The following GRIK2 variants were observed in gnomAD, a reference collection of about 807,000 sequenced individuals.
The protein encoded by GRIK2 is glutamate receptor ionotropic, kainate 2.
In GRIK2, 32 loss-of-function variants were observed where a neutral mutation model predicts 100.3. That is an observed-to-expected ratio of 0.32 (90% CI 0.24 to 0.43). The LOEUF (loss-of-function observed/expected upper bound fraction) is 0.43. GRIK2 is among the 20% of genes least tolerant of loss of function. The pLI is 1.00. For synonymous variants in GRIK2, 417 were observed against 389.4 expected, an observed-to-expected ratio of 1.07 and a Z score of -0.83; for missense variants, 843 against 1,114.9, an observed-to-expected ratio of 0.76 and a Z score of 3.47.
intron 7 of GRIK2, among the ~76,000 whole-genome samples, chr6:101,694,992 G>A (rs1320123527): frequency 4.0e-5 from 6 of 149,554 alleles, no homozygotes; most frequent in African/African-American, 1.2e-4. Context: ...TATAAAATAA[G>A]AGGGAAATAT....
At chr6:101,883,563 T>C (rs899874353) in intron 11 of GRIK2, among the ~76,000 whole-genome samples, 1 of 151,946 alleles carries the variant, frequency 6.6e-6, no homozygotes, top group Non-Finnish European at 1.5e-5. Context: ...AAGTACTGTA[T>C]GGAGATAAAG....
intron 2 of GRIK2, among the ~76,000 whole-genome samples, chr6:101,614,911 G>T (rs934613081): frequency 1.3e-5 from 2 of 151,694 alleles, no homozygotes; most frequent in African/African-American, 4.8e-5. Context: ...CTCAGTAGTA[G>T]TTACAATTGA....
At chr6:101,902,031 A>AATTT (rs1554283046) in intron 12 of GRIK2, among the ~76,000 whole-genome samples, 2 of 12,814 alleles carry the variant, frequency 1.6e-4, no homozygotes, top group Admixed American at 1.3e-3. Context: ...ATTGGCTTAA[A>AATTT]AATTTAAATG....
At position 102,022,336 on chromosome 6, in the gene GRIK2, G is replaced by T. The variant is rs536227337; in HGVS notation, c.2086-13005G>T. Among the ~76,000 whole-genome samples the T allele has an allele frequency of 2.6e-5, 4 of 151,568 alleles. No homozygotes were observed. In the Admixed American group the frequency reaches 2.6e-4, roughly 10 times the overall value. On this transcript the variant is annotated intron_variant, in intron 14 of 16. Coordinates refer to ENST00000369134, the MANE Select transcript of GRIK2 (RefSeq NM_021956.5). ...GTAGTTATTTCTTATTCTAAAATTT[G>T]ATAAAATTGGCTAAATACAGACATA... is the stretch of plus-strand genomic sequence containing the variant.
intron 2 of GRIK2, among the ~76,000 whole-genome samples, chr6:101,567,734 T>C (rs2128297938): frequency 6.6e-6 from 1 of 152,114 alleles, no homozygotes; most frequent in East Asian, 1.9e-4. Context: ...CAGGGTTATT[T>C]TGTGGAAGAG....
intron 14 of GRIK2, among the ~76,000 whole-genome samples, chr6:101,960,923 C>T (rs1257143155): frequency 6.6e-6 from 1 of 152,142 alleles, no homozygotes; most frequent in Non-Finnish European, 1.5e-5. Flanking sequence ...TGTCAAATGA[C>T]TGGTGTCCTG....
intron 14 of GRIK2, among the ~76,000 whole-genome samples, chr6:101,963,723 T>G (rs1792479052): frequency 6.6e-6 from 1 of 151,998 alleles, no homozygotes; most frequent in African/African-American, 2.4e-5. Context: ...GCTCTAATTT[T>G]TGTACATATT....
intron 15 of GRIK2, among the ~76,000 whole-genome samples, chr6:102,048,690 CAT>C (rs1301266793): frequency 6.6e-6 from 1 of 152,012 alleles, no homozygotes; most frequent in Non-Finnish European, 1.5e-5. Context: ...ACAAAAAAGA[CAT>C]AATGTATTGG....
intron 5 of GRIK2, among the ~76,000 whole-genome samples, chr6:101,682,055 A>G (rs985930904): frequency 2.0e-5 from 3 of 152,338 alleles, no homozygotes; most frequent in Admixed American, 6.5e-5. Flanking sequence ...AATTATATGT[A>G]ATTTTTAAAT....
At chr6:101,476,647 T>C (rs1244145639) in intron 2 of GRIK2, among the ~76,000 whole-genome samples, 3 of 152,172 alleles carry the variant, frequency 2.0e-5, no homozygotes, top group African/African-American at 7.2e-5. Context: ...GAATTTTACC[T>C]ATATGATAAT....
At chr6:101,886,412 A>G (rs973835403) in intron 11 of GRIK2, among the ~76,000 whole-genome samples, 2 of 151,980 alleles carry the variant, frequency 1.3e-5, no homozygotes, top group African/African-American at 4.8e-5. Flanking sequence ...TTTCATAATT[A>G]AAAGTATTAT....
At chr6:102,065,280 C>T (rs1462670163) in intron 16 of GRIK2, among the ~76,000 whole-genome samples, 1 of 151,066 alleles carries the variant, frequency 6.6e-6, no homozygotes, top group Non-Finnish European at 1.5e-5. Context: ...AAAGATAATA[C>T]TATTCTGGTA....
rs1397503396 is a variant in GRIK2 at position 101,771,537 on chromosome 6, TTTA to T, written c.952-28100_952-28098del. ...ATTTTATTTTTATTTATTATTATTT[TTTA>T]TTATTATTATACTTTAAGTTTTAGG... is the stretch of plus-strand genomic sequence containing the variant. On this transcript the variant is annotated intron_variant, in intron 7 of 16. Coordinates refer to ENST00000369134, the MANE Select transcript of GRIK2 (RefSeq NM_021956.5). Among the ~76,000 whole-genome samples, 52 of 151,508 alleles carry T rather than the reference TTTA, an allele frequency of 3.4e-4. No homozygotes were observed. The East Asian group carries it at 3.7e-3, about 11-fold the overall frequency.
intron 13 of GRIK2, among the ~76,000 whole-genome samples, chr6:101,926,547 A>G (rs181279138): frequency 1.2e-3 from 190 of 152,316 alleles, no homozygotes; most frequent in Non-Finnish European, 1.9e-3. Context: ...CAAACTTGCT[A>G]TTAGTAGTAT....
intron 11 of GRIK2, among the ~76,000 whole-genome samples, chr6:101,879,503 A>C (rs1034159028): frequency 6.6e-6 from 1 of 151,988 alleles, no homozygotes; most frequent in Non-Finnish European, 1.5e-5. Context: ...TCCTTACGGA[A>C]GACTCATCCA....
At chr6:101,659,678 T>A (rs1197804808) in intron 4 of GRIK2, among the ~76,000 whole-genome samples, 3 of 152,198 alleles carry the variant, frequency 2.0e-5, no homozygotes. Context: ...GGTGACAAAA[T>A]GTCTCAGCAT....
At chr6:101,842,439 C>T (rs1486314883) in intron 10 of GRIK2, among the ~76,000 whole-genome samples, 1 of 152,064 alleles carries the variant, frequency 6.6e-6, no homozygotes, top group Non-Finnish European at 1.5e-5. Flanking sequence ...ATCTAATGAT[C>T]CTTTTTTCTA....
chr6:101,427,469 G>T (rs1300090175), intron 2 of GRIK2, among the ~76,000 whole-genome samples: 1 of 152,134 alleles, frequency 6.6e-6, no homozygotes, highest in Non-Finnish European at 1.5e-5. Flanking sequence ...GTGCATGAAG[G>T]CAGGGACTAT....
At chr6:101,974,682 AG>A (rs2128487023) in intron 14 of GRIK2, among the ~76,000 whole-genome samples, 2 of 152,072 alleles carry the variant, frequency 1.3e-5, no homozygotes, top group East Asian at 3.9e-4. Flanking sequence ...CACATCATCA[AG>A]GACAATCTCC....
Sources: allele counts gnomAD v4.1 joint callset (sites outside exome capture counted in the v4.1 genomes callset), GRCh38; gene constraint gnomAD v4.1.1; transcripts MANE v1.5; gene names NCBI Gene and HGNC (gene_info 2026-07-23, HGNC 2026-07-21).